Variants in PHACTR3 observed in about 807,000 individuals in gnomAD.
PHACTR3 encodes protein phosphatase 1, regulatory subunit 123.
PHACTR3 carries 16 observed loss-of-function variants against 66.8 expected under a neutral mutation model. The observed-to-expected ratio is 0.24, with a 90% CI of 0.16 to 0.36. PHACTR3 has a LOEUF of 0.36. Among genes scored for constraint, PHACTR3 ranks in the 10% least tolerant of loss-of-function variants. The pLI is 1.00. For missense variants in PHACTR3, 647 were observed against 719.9 expected, an observed-to-expected ratio of 0.90 and a Z score of 1.16; for synonymous variants, 323 against 292.1, an observed-to-expected ratio of 1.11 and a Z score of -1.08.
intron 1 of PHACTR3, among the ~76,000 whole-genome samples, chr20:59,584,238 G>A (rs994574654): frequency 2.3e-4 from 35 of 152,244 alleles, no homozygotes; most frequent in African/African-American, 7.9e-4. Context: ...GTGCCTGTGT[G>A]TGCCTGATTG....
intron 1 of PHACTR3, among the ~76,000 whole-genome samples, chr20:59,686,646 G>A (rs1226717676): frequency 6.6e-6 from 1 of 150,844 alleles, no homozygotes; most frequent in Non-Finnish European, 1.5e-5. Flanking sequence ...TGATGGTGGT[G>A]ATGATGATGG....
rs1215676086 is a variant in PHACTR3, at chr20:59,743,254, A to G, written c.266A>G (p.Lys89Arg). The change falls in exon 2 of 13, where the codon AAG becomes AGG. Residue 89 changes from lysine (K) to arginine (R), a missense_variant. Around this residue, in one of 2 missense-constraint regions of PHACTR3, gnomAD observed 577 missense variants for 571.1 expected, o/e 1.01. Coordinates refer to ENST00000371015, the MANE Select transcript of PHACTR3 (RefSeq NM_080672.5). ...KWRKKKNEKLKQTTSALEKKM... is the reference protein window; with the variant it reads ...KWRKKKNEKLRQTTSALEKKM... The stretch of plus-strand genomic sequence containing the variant: ...AGGAAAAAGAAAAACGAAAAACTGA[A>G]GCAGACAACGTCAGGTAAAGGCCTG... 2 of 1,613,952 alleles carry G rather than the reference A, an allele frequency of 1.2e-6. No homozygotes were observed. The highest frequency in any genetic ancestry group is 2.2e-5 in the South Asian group (2 of 91,096).
intron 1 of PHACTR3, among the ~76,000 whole-genome samples, chr20:59,645,632 G>A (rs926122084): frequency 6.6e-5 from 10 of 152,034 alleles, no homozygotes. Context: ...TGCTTATATT[G>A]CATATAAAAC....
At chr20:59,668,787 G>A (rs1335368804) in intron 1 of PHACTR3, among the ~76,000 whole-genome samples, 3 of 152,020 alleles carry the variant, frequency 2.0e-5, no homozygotes, top group South Asian at 2.1e-4. Context: ...CTGCAACTCC[G>A]CCTCCTGGGT....
intron 1 of PHACTR3, among the ~76,000 whole-genome samples, chr20:59,735,276 T>A (rs2038907439): frequency 1.3e-5 from 2 of 152,188 alleles, no homozygotes; most frequent in Non-Finnish European, 2.9e-5. Flanking sequence ...TGGAATTTAC[T>A]GCTCTGTCAA....
intron 1 of PHACTR3, among the ~76,000 whole-genome samples, chr20:59,637,099 C>T (rs1396218743): frequency 1.3e-5 from 2 of 152,214 alleles, no homozygotes; most frequent in East Asian, 3.9e-4. Context: ...GCTGTCTGCC[C>T]CAGCTTGCCA....
At chr20:59,649,152 A>G (rs531115524) in intron 1 of PHACTR3, among the ~76,000 whole-genome samples, 39 of 152,382 alleles carry the variant, frequency 2.6e-4, no homozygotes, top group African/African-American at 9.1e-4. Flanking sequence ...ATATAAAAAA[A>G]GACACTAATG....
intron 8 of PHACTR3, among the ~76,000 whole-genome samples, chr20:59,807,913 T>C (rs1373405807): frequency 6.6e-6 from 1 of 152,200 alleles, no homozygotes; most frequent in Non-Finnish European, 1.5e-5. Flanking sequence ...CCATCTGCCG[T>C]CTGGCTGTGA....
At chr20:59,605,396 C>T (rs1298726381) in intron 1 of PHACTR3, among the ~76,000 whole-genome samples, 1 of 152,196 alleles carries the variant, frequency 6.6e-6, no homozygotes, top group Non-Finnish European at 1.5e-5. Context: ...GCCGTCCCCT[C>T]GAAGGAGGCT....
chr20:59,805,149 ACT>A (rs1256607090), intron 7 of PHACTR3, among the ~76,000 whole-genome samples: 2 of 152,184 alleles, frequency 1.3e-5, no homozygotes, highest in African/African-American at 2.4e-5. Context: ...AAGGAATGAC[ACT>A]CTGCCTGCGA....
intron 1 of PHACTR3, among the ~76,000 whole-genome samples, chr20:59,723,435 G>A (rs761382667): frequency 7.2e-5 from 11 of 152,084 alleles, no homozygotes; most frequent in Non-Finnish European, 1.6e-4. Flanking sequence ...CTGCATTGCG[G>A]CATTGCCAGT....
intron 3 of PHACTR3, among the ~76,000 whole-genome samples, chr20:59,753,332 C>A (rs1384345653): frequency 1.3e-5 from 2 of 152,186 alleles, no homozygotes; most frequent in Non-Finnish European, 2.9e-5. Context: ...TCTGGCATGG[C>A]TGACCTTTTC....
chr20:59,722,487 T>C (rs1368755543), intron 1 of PHACTR3, among the ~76,000 whole-genome samples: 1 of 151,862 alleles, frequency 6.6e-6, no homozygotes, highest in African/African-American at 2.4e-5. Flanking sequence ...GGGAGCATGA[T>C]GGAGAAGGCA....
chr20:59,842,665 G>A (rs1182822856), intron 11 of PHACTR3, among the ~76,000 whole-genome samples: 1 of 152,140 alleles, frequency 6.6e-6, no homozygotes, highest in Non-Finnish European at 1.5e-5. Flanking sequence ...GCTGAAGTTA[G>A]AAAGGCTTAT....
intron 8 of PHACTR3, among the ~76,000 whole-genome samples, chr20:59,819,750 C>T (rs895011003): frequency 5.3e-5 from 8 of 151,556 alleles, no homozygotes; most frequent in South Asian, 2.1e-4. Context: ...CTGATTGGGC[C>T]GGTGCTGTCC....
intron 1 of PHACTR3, among the ~76,000 whole-genome samples, chr20:59,611,842 A>G (rs2033860465): frequency 6.6e-6 from 1 of 152,246 alleles, no homozygotes; most frequent in Admixed American, 6.5e-5. Flanking sequence ...ATTTTGGGAT[A>G]GCACACTGGT....
intron 1 of PHACTR3, among the ~76,000 whole-genome samples, chr20:59,714,036 G>T (rs1347084780): frequency 6.6e-6 from 1 of 151,866 alleles, no homozygotes; most frequent in Non-Finnish European, 1.5e-5. Flanking sequence ...ATTTTTTCAT[G>T]GCTATTTGTA....
At chr20:59,605,246 G>C (rs2033618804) in intron 1 of PHACTR3, 114 bp downstream of exon 1, 1 of 709,226 alleles carries the variant, frequency 1.4e-6, no homozygotes, top group South Asian at 5.5e-5. Context: ...GCCGCGGCAG[G>C]AACCCGCGCT....
At chr20:59,654,025 A>T (rs2035539960) in intron 1 of PHACTR3, among the ~76,000 whole-genome samples, 1 of 152,212 alleles carries the variant, frequency 6.6e-6, no homozygotes, top group Non-Finnish European at 1.5e-5. Context: ...GGTTAATGAG[A>T]TGATTGCAAA....
Sources: gnomAD v4.1 joint callset for allele counts (sites outside exome capture counted in the v4.1 genomes callset) on GRCh38, gnomAD v4.1.1 for gene constraint, gnomAD v4.1.1 regional missense constraint, MANE v1.5 for transcripts, NCBI Gene and HGNC (gene_info 2026-07-23, HGNC 2026-07-21) for gene names.